The following PALLD variants were observed in gnomAD, a reference collection of about 807,000 sequenced individuals.
PALLD encodes palladin.
PALLD carries 61 observed loss-of-function variants against 123.5 expected under a neutral mutation model. The ratio of observed to expected loss-of-function variants is 0.49; its 90% CI spans 0.40 to 0.61. PALLD has a LOEUF of 0.61. Among genes scored for constraint, PALLD ranks in the 20% least tolerant of loss-of-function variants. The pLI, the probability that PALLD is intolerant of heterozygous loss-of-function variation, is 0.00. For missense variants in PALLD, 1,273 were observed against 1,377.0 expected (o/e 0.92, Z 1.20); for synonymous variants, 465 against 496.4 (o/e 0.94, Z 0.84).
chr4:168,715,512 G>T (rs994346282), intron 10 of PALLD, among the ~76,000 whole-genome samples: 1 of 152,228 alleles, frequency 6.6e-6, no homozygotes, highest in African/African-American at 2.4e-5. Flanking sequence ...GGAGGAAAAA[G>T]GAGGGAATGA....
intron 10 of PALLD, among the ~76,000 whole-genome samples, chr4:168,791,713 G>A (rs2150604745): frequency 6.6e-6 from 1 of 152,258 alleles, no homozygotes; most frequent in African/African-American, 2.4e-5. Flanking sequence ...TTTTAAGCTT[G>A]GTGTTGATTA....
At chr4:168,812,682 A>G (rs1283530779) in intron 10 of PALLD, among the ~76,000 whole-genome samples, 1 of 152,194 alleles carries the variant, frequency 6.6e-6, no homozygotes, top group Non-Finnish European at 1.5e-5. Context: ...AGACATTCTG[A>G]GCATGTTACA....
At chr4:168,631,741 T>G in intron 2 of PALLD, 1 of 985,468 alleles carries the variant, frequency 1.0e-6, no homozygotes, top group Non-Finnish European at 1.2e-6. Context: ...GGGGCCGGCC[T>G]TTTGGCAGCG....
At chr4:168,643,248 G>A (rs1462065662) in intron 2 of PALLD, among the ~76,000 whole-genome samples, 1 of 152,174 alleles carries the variant, frequency 6.6e-6, no homozygotes, top group Non-Finnish European at 1.5e-5. Flanking sequence ...TATTGCTTTC[G>A]GGTGGAATTC....
At chr4:168,860,566 G>A (rs955335714) in intron 10 of PALLD, among the ~76,000 whole-genome samples, 8 of 152,210 alleles carry the variant, frequency 5.3e-5, no homozygotes, top group Non-Finnish European at 8.8e-5. Flanking sequence ...GCTACTGCCT[G>A]TAATCCTGCA....
chr4:168,679,563 G>A (rs928831793), intron 3 of PALLD, among the ~76,000 whole-genome samples: 2 of 142,742 alleles, frequency 1.4e-5, no homozygotes, highest in Admixed American at 6.8e-5. Context: ...TGGGGTGTGT[G>A]TGTGTGTCCT....
At chr4:168,698,814 A>G (rs1783405478) in intron 8 of PALLD, among the ~76,000 whole-genome samples, 1 of 152,132 alleles carries the variant, frequency 6.6e-6, no homozygotes, top group South Asian at 2.1e-4. Flanking sequence ...AATTTTTTTA[A>G]ACTAAAGAAT....
intron 10 of PALLD, among the ~76,000 whole-genome samples, chr4:168,758,495 A>T (rs1732212894): frequency 6.6e-6 from 1 of 152,178 alleles, no homozygotes. Context: ...TTGCATTCAG[A>T]AGGCACATCC....
chr4:168,561,840 T>C (rs1232135766), intron 2 of PALLD, among the ~76,000 whole-genome samples: 1 of 152,120 alleles, frequency 6.6e-6, no homozygotes, highest in Non-Finnish European at 1.5e-5. Flanking sequence ...CTTCAACATA[T>C]ATAAACTTAA....
At chr4:168,629,442 T>C (rs555787090) in intron 2 of PALLD, among the ~76,000 whole-genome samples, 1 of 152,356 alleles carries the variant, frequency 6.6e-6, no homozygotes, top group South Asian at 2.1e-4. Flanking sequence ...ACTGGGCATA[T>C]GGGGAAGAGT....
At chr4:168,757,034 A>T (rs2150412634) in intron 10 of PALLD, among the ~76,000 whole-genome samples, 1 of 152,334 alleles carries the variant, frequency 6.6e-6, no homozygotes, top group Non-Finnish European at 1.5e-5. Context: ...AAAACAAATG[A>T]GGACCGAGAA....
At chr4:168,700,981 C>A (rs1341290984) in intron 8 of PALLD, 2 of 151,966 alleles carry the variant, frequency 1.3e-5, no homozygotes, top group African/African-American at 4.8e-5. Context: ...AGAGCAAGAC[C>A]CTACCTTTAT....
chr4:168,663,485 G>A (rs1038864130), intron 2 of PALLD, among the ~76,000 whole-genome samples: 1 of 152,082 alleles, frequency 6.6e-6, no homozygotes, highest in African/African-American at 2.4e-5. Flanking sequence ...TGTGGGGAGG[G>A]AAGTTGTGGC....
At chr4:168,512,574 A>G (rs1762620153) in intron 2 of PALLD, among the ~76,000 whole-genome samples, 162 bp downstream of exon 2, 1 of 152,168 alleles carries the variant, frequency 6.6e-6, no homozygotes, top group Non-Finnish European at 1.5e-5. Flanking sequence ...GAGTTGTCCT[A>G]GTTGTCCCTG....
intron 2 of PALLD, among the ~76,000 whole-genome samples, chr4:168,613,839 A>G (rs1166489560): frequency 6.6e-6 from 1 of 152,218 alleles, no homozygotes; most frequent in African/African-American, 2.4e-5. Context: ...TCCAAAGAGT[A>G]TTTAAAAACA....
rs781250247 is a variant in PALLD, at chr4:168,898,668, T to C, written c.2426T>C (p.Met809Thr). The C allele has an allele frequency of 1.9e-6, 3 of 1,601,438 alleles. No homozygotes were observed. The highest frequency in any genetic ancestry group is 2.6e-6 in the Non-Finnish European group (3 of 1,168,452). Reference sequence around the variant, plus strand: ...AAACATTACAAGATCTTTGAGGGAATGCCAGTAACTTTCACATGTAGAGTG... The same window carrying C: ...AAACATTACAAGATCTTTGAGGGAACGCCAGTAACTTTCACATGTAGAGTG... ...KLKHYKIFEG[M>T]PVTFTCRVAG... Residue 809 changes from methionine (M) to threonine (T), a missense_variant, in exon 14 of 22, where the codon ATG becomes ACG. By Grantham distance (81) the Met-to-Thr change is moderately conservative. Transcript: ENST00000505667.
Position 168,807,551 on chromosome 4 carries a change from A to C in PALLD, c.1965-83371A>C, listed in dbSNP as rs138955022. On this transcript the variant is annotated intron_variant, in intron 10 of 21. Transcript: ENST00000505667. Reference sequence around the variant, plus strand: ...CGGCCTCCTGAATAGCTGAGATTACAGGCAAGCGCCACCATGCCTGGCTAA... The same window carrying C: ...CGGCCTCCTGAATAGCTGAGATTACCGGCAAGCGCCACCATGCCTGGCTAA... 2.3e-3 allele frequency among the ~76,000 whole-genome samples: 356 copies of C among 152,222 alleles called. 1 individual carries two copies. The highest frequency in any genetic ancestry group is 8.1e-3 in the African/African-American group (337 of 41,540).
At position 168,903,831 on chromosome 4, in the gene PALLD, G is replaced by A. The variant is rs1420566865; in HGVS notation, c.2547G>A (p.Gly849=). The change falls in exon 15 of 22, where the codon GGG becomes GGA. Residue 849 remains glycine (G), a synonymous_variant. Transcript: ENST00000505667. ...ACACCATTCAAAGAGATCTCGATGG[G>A]ACCTGCTCCCTCCATACCACAGCCT... ...DHYTIQRDLD[G]TCSLHTTAST... 3 of 1,612,748 alleles carry A rather than the reference G, an allele frequency of 1.9e-6. No homozygotes were observed. Among genetic ancestry groups the A allele is most frequent in the Non-Finnish European group, 2.5e-6 (3 of 1,178,936 alleles).
chr4:168,502,358 G>A (rs188457589), intron 1 of PALLD, among the ~76,000 whole-genome samples: 1 of 152,066 alleles, frequency 6.6e-6, no homozygotes, highest in Non-Finnish European at 1.5e-5. Context: ...TTCTTTGAGG[G>A]TAATGAGAAA....
Sources: gnomAD v4.1 joint callset for allele counts (sites outside exome capture counted in the v4.1 genomes callset) on GRCh38, gnomAD v4.1.1 for gene constraint, MANE v1.5 for transcripts, NCBI Gene and HGNC (gene_info 2026-07-23, HGNC 2026-07-21) for gene names.